Variants in SEMA5B observed in about 807,000 individuals in gnomAD.
SEMA5B encodes the protein semaphorin-5B.
Under a neutral mutation model 135.0 loss-of-function variants are expected in SEMA5B, and 66 were observed. That is an observed-to-expected ratio of 0.49 (90% CI 0.40 to 0.60). The LOEUF is 0.60. Among genes scored for constraint, SEMA5B ranks in the 20% least tolerant of loss-of-function variants. The pLI is 0.00. For synonymous variants in SEMA5B, 690 were observed against 639.5 expected (o/e 1.08, Z -1.19); for missense variants, 1,501 against 1,566.3 (o/e 0.96, Z 0.70).
intron 1 of SEMA5B, among the ~76,000 whole-genome samples, chr3:123,009,610 A>G (rs57366307): frequency 0.067 from 10,202 of 152,202 alleles, 987 homozygotes; most frequent in African/African-American, 0.22. Context: ...GTTGCTCCAC[A>G]CAGCACCCAG....
At chr3:122,946,300 T>C (rs1018184351) in intron 3 of SEMA5B, among the ~76,000 whole-genome samples, 37 of 152,030 alleles carry the variant, frequency 2.4e-4, no homozygotes, top group African/African-American at 7.5e-4. Context: ...GGGGAAAATT[T>C]AGCCTTACAA....
Position 122,961,225 on chromosome 3 carries a change from G to C in SEMA5B, c.39C>G (p.His13Gln). ...GGGTATCAGGCGGCCCAGGGACGAG[G>C]TGGTGGGCAACAGGAGACGGACTGA... is the stretch of plus-strand genomic sequence containing the variant. ...CGFSPSPVAH[H>Q]LVPGPPDTPA... The change falls in exon 2 of 23, where the codon CAC (histidine) becomes CAG (glutamine). Residue 13 changes from histidine to glutamine, a missense_variant. Around this residue, in one of 2 missense-constraint regions of SEMA5B, gnomAD observed 574 missense variants for 684.7 expected, o/e 0.84. Transcript: ENST00000357599. 2.5e-6 allele frequency: 4 copies of C among 1,614,046 alleles called. No individual in the cohort carries two copies. In the South Asian group the frequency reaches 3.3e-5, roughly 13 times the overall value.
chr3:122,966,860 T>C (rs1213032555), intron 1 of SEMA5B, among the ~76,000 whole-genome samples: 3 of 131,164 alleles, frequency 2.3e-5, no homozygotes, highest in South Asian at 5.0e-4. Flanking sequence ...ACCCGGCCTA[T>C]TACTATTATT....
chr3:123,010,052 C>T (rs1378065028), intron 1 of SEMA5B, among the ~76,000 whole-genome samples: 5 of 152,194 alleles, frequency 3.3e-5, no homozygotes, highest in Admixed American at 2.0e-4. Flanking sequence ...CCAAGCTCCT[C>T]GCTGGATGAA....
chr3:123,013,185 C>A (rs1195396742), intron 1 of SEMA5B, among the ~76,000 whole-genome samples: 1 of 152,200 alleles, frequency 6.6e-6, no homozygotes, highest in Non-Finnish European at 1.5e-5. Flanking sequence ...TATCTCATAC[C>A]TTCCTATCTC....
rs560415379 is a variant in SEMA5B, at chr3:122,946,119, G to C, written c.328+2387C>G. On this transcript the variant is annotated intron_variant, in intron 3 of 22. Coordinates refer to ENST00000357599, the MANE Select transcript of SEMA5B (RefSeq NM_001031702.4). ...GAGAAAAAGACATTCTCCATGACAC[G>C]CCTGTGATTTTAATTATAGTCAATT... Among the ~76,000 whole-genome samples, 4 of 152,302 alleles carry C rather than the reference G, an allele frequency of 2.6e-5. No homozygotes were observed. The South Asian group carries it at 6.2e-4, about 24-fold the overall frequency.
At chr3:122,943,285 G>T (rs1049861247) in intron 4 of SEMA5B, 151 bp downstream of exon 4, 4 of 588,198 alleles carry the variant, frequency 6.8e-6, no homozygotes, top group Admixed American at 2.9e-5. Flanking sequence ...TTCCTCCTGT[G>T]GGGGGACAGA....
Position 122,913,626 on chromosome 3 carries a change from A to G in SEMA5B, c.2188T>C (p.Ser730Pro). ...PVPIFWASWG[S>P]WSKCSSNCGG... Reference sequence around the variant, plus strand: ...CAGTTGCTGCTGCACTTGCTCCAGGAGCCCCAGGAAGCCCAGAAGATGGGC... The same window carrying G: ...CAGTTGCTGCTGCACTTGCTCCAGGGGCCCCAGGAAGCCCAGAAGATGGGC... The change falls in exon 16 of 23, where the codon TCC becomes CCC. Residue 730 changes from serine to proline, a missense_variant. Ser to Pro is a moderately conservative substitution (Grantham distance 74, BLOSUM62 -1). Around this residue, in one of 2 missense-constraint regions of SEMA5B, gnomAD observed 927 missense variants for 881.6 expected, o/e 1.05. Coordinates refer to ENST00000357599, the MANE Select transcript of SEMA5B (RefSeq NM_001031702.4). The G allele has an allele frequency of 6.2e-7, 1 of 1,613,464 alleles. No individual in the cohort carries two copies. Among genetic ancestry groups the G allele is most frequent in the Non-Finnish European group, 8.5e-7 (1 of 1,179,960 alleles).
In SEMA5B at chr3:122,936,624, C is replaced by T. The variant is rs368929904; in HGVS notation, c.474+2801G>A. Among the ~76,000 whole-genome samples the T allele has an allele frequency of 7.9e-5, 12 of 152,370 alleles. 1 individual carries two copies. Among genetic ancestry groups the T allele is most frequent in the Admixed American group, 6.5e-5 (1 of 15,312 alleles). The stretch of plus-strand genomic sequence containing the variant: ...GAACTGTTCTGGCAAAGGTCGCTCA[C>T]GAGCTCCTAATTGCCAACTCCAAGA... On this transcript the variant is annotated intron_variant, in intron 5 of 22. Transcript: ENST00000357599.
At position 122,910,895 on chromosome 3, in the gene SEMA5B, T is replaced by G; in HGVS notation, c.3242A>C (p.His1081Pro). The G allele has an allele frequency of 6.2e-7, 1 of 1,612,092 alleles. No individual in the cohort carries two copies. Among genetic ancestry groups the G allele is most frequent in the Non-Finnish European group, 8.5e-7 (1 of 1,179,760 alleles). ...LVHPATPNHLHYKGGGTPKNE... is the reference protein window; with the variant it reads ...LVHPATPNHLPYKGGGTPKNE... ...CTTCGGGGTGCCTCCGCCCTTGTAG[T>G]GCAAATGGTTGGGGGTGGCAGGATG... The change falls in exon 22 of 23, where the codon CAC becomes CCC. Residue 1081 changes from histidine (H) to proline (P), a missense_variant. By Grantham distance (77) the His-to-Pro change is moderately conservative. This residue lies in a region of SEMA5B where 927 missense variants were observed against 881.6 expected (regional missense o/e 1.05). Transcript: ENST00000357599.
At chr3:122,985,831 A>G (rs1229415478) in intron 1 of SEMA5B, among the ~76,000 whole-genome samples, 1 of 152,240 alleles carries the variant, frequency 6.6e-6, no homozygotes, top group Non-Finnish European at 1.5e-5. Flanking sequence ...GTGAAAAGAA[A>G]TGGAGCCATA....
chr3:122,987,977 T>C (rs552920307), intron 1 of SEMA5B, among the ~76,000 whole-genome samples: 1 of 152,096 alleles, frequency 6.6e-6, no homozygotes, highest in South Asian at 2.1e-4. Flanking sequence ...AGACCAGCCA[T>C]AGAAGGAAGT....
At chr3:122,963,700 A>C (rs549475160) in intron 1 of SEMA5B, among the ~76,000 whole-genome samples, 15 of 152,238 alleles carry the variant, frequency 9.9e-5, no homozygotes, top group African/African-American at 3.4e-4. Context: ...CATCGGGAGG[A>C]GCAGAACATT....
chr3:122,995,480 A>G (rs1576398505), intron 1 of SEMA5B, among the ~76,000 whole-genome samples: 1 of 152,232 alleles, frequency 6.6e-6, no homozygotes, highest in Non-Finnish European at 1.5e-5. Context: ...AGCTGTAATC[A>G]TGGGTCAGCC....
At position 122,941,436 on chromosome 3, in the gene SEMA5B, AC is replaced by A. The variant is rs527971996; in HGVS notation, c.429-1967del. On this transcript the variant is annotated intron_variant, in intron 4 of 22. Coordinates refer to ENST00000357599, the MANE Select transcript of SEMA5B (RefSeq NM_001031702.4). ...GTGACCACAGTCACAGGGTAACATA[AC>A]CTCTCTGAGCTTCAGTTTCCTGGTC... Among the ~76,000 whole-genome samples, 442 of 152,062 alleles carry A rather than the reference AC, an allele frequency of 2.9e-3. 3 individuals are homozygous for A. The highest frequency in any genetic ancestry group is 9.0e-3 in the African/African-American group (372 of 41,486).
rs555737339 is a variant in SEMA5B at position 122,998,538 on chromosome 3, G to C, written c.-39+28926C>G. 9.7e-4 allele frequency among the ~76,000 whole-genome samples: 147 copies of C among 152,280 alleles called. 1 individual carries two copies. Among genetic ancestry groups the C allele is most frequent in the African/African-American group, 3.5e-3 (145 of 41,562 alleles). On this transcript the variant is annotated intron_variant, in intron 1 of 22. Transcript: ENST00000357599. ...AACGTGTTCTGGAAATGGACGGAAGGCTGGGTCAGTGTTACCCAGGTCTGC... is the reference window on the plus strand; with the variant it reads ...AACGTGTTCTGGAAATGGACGGAAGCCTGGGTCAGTGTTACCCAGGTCTGC...
At chr3:123,011,432 G>A (rs967399592) in intron 1 of SEMA5B, among the ~76,000 whole-genome samples, 4 of 152,198 alleles carry the variant, frequency 2.6e-5, no homozygotes, top group Non-Finnish European at 4.4e-5. Context: ...GCTCGTCCCA[G>A]GCCTTGATTT....
At chr3:122,958,952 C>T (rs374542974) in intron 2 of SEMA5B, among the ~76,000 whole-genome samples, 9 of 152,262 alleles carry the variant, frequency 5.9e-5, no homozygotes, top group Middle Eastern at 6.8e-3. Flanking sequence ...CACCCACATC[C>T]CTCCAGCTGC....
At chr3:122,920,709 A>G (rs1938303587) in intron 12 of SEMA5B, among the ~76,000 whole-genome samples, 1 of 152,186 alleles carries the variant, frequency 6.6e-6, no homozygotes, top group African/African-American at 2.4e-5. Flanking sequence ...TAGATGATGG[A>G]GTTGAGATGG....
Sources: gnomAD v4.1 joint callset for allele counts (sites outside exome capture counted in the v4.1 genomes callset) on GRCh38, gnomAD v4.1.1 for gene constraint, gnomAD v4.1.1 regional missense constraint, MANE v1.5 for transcripts, NCBI Gene and HGNC (gene_info 2026-07-23, HGNC 2026-07-21) for gene names.